The following GSTCD variants were observed in gnomAD, a reference collection of about 807,000 sequenced individuals.
The protein encoded by GSTCD is glutathione S-transferase C-terminal domain containing.
A neutral mutation model predicts 68.3 loss-of-function variants in GSTCD; 44 were observed. That is an observed-to-expected ratio of 0.64 (90% CI 0.51 to 0.83). GSTCD has a LOEUF of 0.83. Among genes scored for constraint, GSTCD ranks in the 40% least tolerant of loss-of-function variants. The pLI is 0.00. For missense variants in GSTCD, 739 were observed against 735.9 expected (o/e 1.00, Z -0.05); for synonymous variants, 273 against 255.2 (o/e 1.07, Z -0.67).
chr4:105,767,844 T>A (rs1734679053), intron 5 of GSTCD, among the ~76,000 whole-genome samples: 1 of 152,104 alleles, frequency 6.6e-6, no homozygotes, highest in Non-Finnish European at 1.5e-5. Flanking sequence ...CTCTGTGCCC[T>A]TAGAACTGGG....
chr4:105,712,831 G>A (rs1732577132), intron 1 of GSTCD, among the ~76,000 whole-genome samples: 1 of 152,116 alleles, frequency 6.6e-6, no homozygotes, highest in South Asian at 2.1e-4. Flanking sequence ...CCAGGAAGTA[G>A]AACACGAAGG....
intron 3 of GSTCD, among the ~76,000 whole-genome samples, chr4:105,725,965 G>A (rs984432960): frequency 1.3e-5 from 2 of 152,120 alleles, no homozygotes; most frequent in Non-Finnish European, 2.9e-5. Flanking sequence ...GGCAACCATG[G>A]AGAAGATTTT....
At position 105,729,498 on chromosome 4, in the gene GSTCD, A is replaced by C; in HGVS notation, c.1239A>C (p.Glu413Asp). 6.2e-7 allele frequency: 1 copy of C among 1,605,532 alleles called. No homozygotes were observed. The highest frequency in any genetic ancestry group is 8.5e-7 in the Non-Finnish European group (1 of 1,174,304). ...TCCCTGCAGCAGTCAGCCCAAAGGA[A>C]GGTGAGTTTTCTTTTTTCTTTAAGT... ...NVLPAAVSPK[E>D]GKMSSDRALR... is the part of the protein sequence containing the mutation. Residue 413 changes from glutamate to aspartate, a missense_variant and splice_region_variant, in exon 5 of 12, where the codon GAA (glutamate) becomes GAC (aspartate). Coordinates refer to ENST00000515279, the MANE Select transcript of GSTCD (RefSeq NM_001370181.1).
chr4:105,749,672 T>A (rs1006619040), intron 5 of GSTCD, among the ~76,000 whole-genome samples: 3 of 149,648 alleles, frequency 2.0e-5, no homozygotes, highest in Non-Finnish European at 4.4e-5. Flanking sequence ...CCAAAATAGA[T>A]CATGGAATTA....
chr4:105,834,181 T>C (rs181364603), intron 8 of GSTCD, among the ~76,000 whole-genome samples: 1 of 152,344 alleles, frequency 6.6e-6, no homozygotes, highest in Non-Finnish European at 1.5e-5. Context: ...AAATTCTTGT[T>C]TCGAATCTAG....
chr4:105,776,633 C>T (rs1218680110), intron 5 of GSTCD, among the ~76,000 whole-genome samples: 1 of 152,090 alleles, frequency 6.6e-6, no homozygotes, highest in East Asian at 1.9e-4. Context: ...AGGCAATGCC[C>T]CACCCTGCTT....
At chr4:105,761,096 C>T (rs372386546) in intron 5 of GSTCD, 37 of 176,052 alleles carry the variant, frequency 2.1e-4, no homozygotes, top group East Asian at 8.0e-4. Context: ...CCCAGCCTCC[C>T]GGGTTCAAGT....
intron 10 of GSTCD, among the ~76,000 whole-genome samples, chr4:105,839,235 CTG>C (rs770488098): frequency 3.2e-4 from 48 of 152,200 alleles, no homozygotes; most frequent in Admixed American, 3.1e-3. Flanking sequence ...TTTTAGGAAA[CTG>C]TATGATTTTG....
At chr4:105,745,712 T>G (rs1414886839) in intron 5 of GSTCD, among the ~76,000 whole-genome samples, 1 of 152,210 alleles carries the variant, frequency 6.6e-6, no homozygotes, top group Non-Finnish European at 1.5e-5. Context: ...AGTTCTTAGG[T>G]AGGTGGTTCC....
chr4:105,776,238 G>A lies in GSTCD; in HGVS notation c.1241-46716G>A, dbSNP rs143396422. ...GCCTTCAGACTGCTGTGCTGGCAGC[G>A]AGAATTTCAAGTCAGTGGATCTTAG... On this transcript the variant is annotated intron_variant, in intron 5 of 11. Coordinates refer to ENST00000515279, the MANE Select transcript of GSTCD (RefSeq NM_001370181.1). Among the ~76,000 whole-genome samples the A allele has an allele frequency of 6.3e-3, 955 of 152,308 alleles. 8 individuals are homozygous for A. The highest frequency in any genetic ancestry group is 0.061 in the Middle Eastern group (18 of 294).
At chr4:105,710,501 T>C (rs1199113054) in intron 1 of GSTCD, among the ~76,000 whole-genome samples, 2 of 151,786 alleles carry the variant, frequency 1.3e-5, no homozygotes, top group African/African-American at 4.8e-5. Context: ...AGTGGTGGGA[T>C]TACAGGCGTG....
intron 5 of GSTCD, among the ~76,000 whole-genome samples, chr4:105,752,454 A>G (rs1734039567): frequency 6.6e-6 from 1 of 152,142 alleles, no homozygotes; most frequent in African/African-American, 2.4e-5. Context: ...ATTATATACA[A>G]TCTTCTAGAA....
intron 10 of GSTCD, 93 bp from the exon 11 acceptor site, chr4:105,841,972 C>A: frequency 1.2e-6 from 1 of 860,844 alleles, no homozygotes; most frequent in East Asian, 2.5e-5. Flanking sequence ...ATGTTGAACT[C>A]CAGAAAAATG....
chr4:105,755,001 C>G (rs1191808226), intron 5 of GSTCD, among the ~76,000 whole-genome samples: 1 of 126,246 alleles, frequency 7.9e-6, no homozygotes, highest in South Asian at 2.6e-4. Context: ...AGGAGGATCA[C>G]TTGTGTCCAG....
intron 5 of GSTCD, among the ~76,000 whole-genome samples, chr4:105,815,796 TC>T (rs1316347220): frequency 2.0e-5 from 3 of 152,174 alleles, no homozygotes; most frequent in Non-Finnish European, 4.4e-5. Context: ...CTAACTATTT[TC>T]TACAGTTAGC....
chr4:105,835,163 T>C (rs1265943343), intron 9 of GSTCD, among the ~76,000 whole-genome samples: 1 of 152,204 alleles, frequency 6.6e-6, no homozygotes, highest in Non-Finnish European at 1.5e-5. Flanking sequence ...ATGGTAGCAA[T>C]GTCACAGGAT....
chr4:105,749,483 G>A (rs1560809876), intron 5 of GSTCD, among the ~76,000 whole-genome samples: 1 of 150,772 alleles, frequency 6.6e-6, no homozygotes, highest in Non-Finnish European at 1.5e-5. Context: ...TAGACATACA[G>A]AACAATAAAA....
chr4:105,807,067 C>G (rs1252359091), intron 5 of GSTCD: 1 of 152,138 alleles, frequency 6.6e-6, no homozygotes, highest in Admixed American at 6.6e-5. Context: ...TCTTCCTCTA[C>G]TTTCTTCTTC....
At chr4:105,756,495 T>C (rs199619425) in intron 5 of GSTCD, among the ~76,000 whole-genome samples, 3 of 139,430 alleles carry the variant, frequency 2.2e-5, no homozygotes, top group Non-Finnish European at 3.1e-5. Flanking sequence ...CCTATGCACA[T>C]ACACACACAC....
Sources: allele counts gnomAD v4.1 joint callset (sites outside exome capture counted in the v4.1 genomes callset), GRCh38; gene constraint gnomAD v4.1.1; transcripts MANE v1.5; gene names NCBI Gene and HGNC (gene_info 2026-07-23, HGNC 2026-07-21).